Variants in ABCB7 observed in about 807,000 individuals in gnomAD.
ABCB7 encodes ATP binding cassette subfamily B member 7.
Under a neutral mutation model 54.4 loss-of-function variants are expected in ABCB7, and 7 were observed. The ratio of observed to expected loss-of-function variants is 0.13; its 90% CI spans 0.07 to 0.24. The LOEUF (loss-of-function observed/expected upper bound fraction) is 0.24. Ranked by LOEUF, ABCB7 falls within the 10% of genes least tolerant of loss-of-function variation. The pLI is 1.00. For missense variants in ABCB7, 356 were observed against 570.4 expected (o/e 0.62, Z 3.83); for synonymous variants, 218 against 207.1 (o/e 1.05, Z -0.45).
At chrX:75,152,784 T>TA (rs2082141993) in intron 1 of ABCB7, among the ~76,000 whole-genome samples, 4 of 107,812 alleles carry the variant, frequency 3.7e-5, no homozygotes, top group African/African-American at 1.4e-4. Flanking sequence ...CTCAGTCTCC[T>TA]GAGTAGCTGT....
chrX:75,090,788 C>G (rs1301758424), intron 4 of ABCB7, among the ~76,000 whole-genome samples: 1 of 110,954 alleles, frequency 9.0e-6, no homozygotes, highest in Non-Finnish European at 1.9e-5. Context: ...AAATGAAAGG[C>G]AGGCCTTCAG....
intron 3 of ABCB7, among the ~76,000 whole-genome samples, chrX:75,104,947 T>C (rs1219201615): frequency 8.9e-6 from 1 of 111,812 alleles, no homozygotes; most frequent in Non-Finnish European, 1.9e-5. Flanking sequence ...AAAAACCATA[T>C]GATCATCTCA....
intron 12 of ABCB7, among the ~76,000 whole-genome samples, chrX:75,065,600 C>A: frequency 8.9e-6 from 1 of 111,969 alleles, no homozygotes; most frequent in Middle Eastern, 4.6e-3. Context: ...TTCTTTTTAA[C>A]AGTTGTATAT....
chrX:75,064,087 G>A (rs932002399), intron 13 of ABCB7, among the ~76,000 whole-genome samples: 12 of 111,480 alleles, frequency 1.1e-4, no homozygotes, highest in Non-Finnish European at 3.8e-5. Context: ...AATGATACTG[G>A]CATCTTATAC....
Position 75,071,733 on chromosome X carries a change from CTCTTAAGTGATTAGTATACTTT to C in ABCB7, c.1033-72_1033-51del, listed in dbSNP as rs1271870328. 18 of 877,302 alleles carry C rather than the reference CTCTTAAGTGATTAGTATACTTT, an allele frequency of 2.1e-5. No homozygotes were observed. The Admixed American group carries it at 3.9e-4, about 19-fold the overall frequency. 72.3% of individuals were successfully genotyped at this position (877,302 alleles called of 1,213,427 possible). A position where few individuals can be genotyped will look rare whatever the true frequency, so the allele number is the denominator to read the frequency against. On this transcript the variant is annotated intron_variant, in intron 8 of 15. Transcript: ENST00000373394. ...TAGGCAAGTATAATTAGAATTTATT[CTCTTAAGTGATTAGTATACTTT>C]TCATCAGACTTCATGTATGAATACA...
chrX:75,073,147 T>A (rs2081378675), intron 8 of ABCB7, among the ~76,000 whole-genome samples: 1 of 111,269 alleles, frequency 9.0e-6, no homozygotes. Flanking sequence ...CTTACCTGAG[T>A]CTATTTTACA....
intron 1 of ABCB7, among the ~76,000 whole-genome samples, chrX:75,142,705 G>A (rs1039624720): frequency 2.7e-5 from 3 of 112,261 alleles, no homozygotes; most frequent in African/African-American, 9.7e-5. Context: ...GACTGAAGGT[G>A]GTTCCCCATC....
chrX:75,106,002 A>G (rs2081697358), intron 3 of ABCB7, among the ~76,000 whole-genome samples: 1 of 111,885 alleles, frequency 8.9e-6, no homozygotes, highest in East Asian at 2.8e-4. Flanking sequence ...ATCTAACTAT[A>G]AAAAGCCTAG....
At chrX:75,066,415 T>C (rs1199899707) in intron 12 of ABCB7, among the ~76,000 whole-genome samples, 1 of 111,774 alleles carries the variant, frequency 8.9e-6, no homozygotes, top group African/African-American at 3.2e-5. Flanking sequence ...AGAAACTGCT[T>C]ATTTTAAAAT....
chrX:75,115,755 G>A (rs982958774), intron 1 of ABCB7, among the ~76,000 whole-genome samples: 6 of 106,044 alleles, frequency 5.7e-5, no homozygotes, highest in Non-Finnish European at 7.7e-5. Context: ...TGGAAGTCTA[G>A]TTCAGGCCAT....
At chrX:75,138,999 T>C in intron 1 of ABCB7, among the ~76,000 whole-genome samples, 1 of 59,720 alleles carries the variant, frequency 1.7e-5, no homozygotes, top group Admixed American at 2.1e-4. Context: ...AGAACGAGAC[T>C]CTGCCTCAAA....
chrX:75,137,153 C>T (rs1414098464), intron 1 of ABCB7, among the ~76,000 whole-genome samples: 2 of 112,262 alleles, frequency 1.8e-5, no homozygotes, highest in Non-Finnish European at 3.8e-5. Context: ...GGTCTAATAT[C>T]CAGTATCTAT....
chrX:75,107,635 C>T (rs886438061), intron 3 of ABCB7, among the ~76,000 whole-genome samples: 1 of 111,841 alleles, frequency 8.9e-6, no homozygotes, highest in Non-Finnish European at 1.9e-5. Context: ...AGGGAAGGAC[C>T]CAGTCCTACC....
At chrX:75,127,794 T>A (rs1405204563) in intron 1 of ABCB7, among the ~76,000 whole-genome samples, 4 of 111,953 alleles carry the variant, frequency 3.6e-5, no homozygotes, top group Non-Finnish European at 7.5e-5. Context: ...AGCATTCTTA[T>A]ACACCAATAA....
At chrX:75,056,712 T>G (rs1475827741) in intron 15 of ABCB7, among the ~76,000 whole-genome samples, 1 of 111,538 alleles carries the variant, frequency 9.0e-6, no homozygotes, top group East Asian at 2.8e-4. Flanking sequence ...CTGATAATAC[T>G]ATTCCAATAT....
rs752441633 is a variant in ABCB7 at position 75,156,282 on chromosome X, G to A, written c.-10C>T. 51 of 1,198,351 alleles carry A rather than the reference G, an allele frequency of 4.3e-5. No individual in the cohort carries two copies. Among genetic ancestry groups the A allele is most frequent in the Non-Finnish European group, 3.4e-5 (30 of 889,609 alleles). ...TCGCGAGCAGCGCCATCTTGAGCGA[G>A]GAAAGAGGAACCGAGAGAAGAGGAT... is the stretch of plus-strand genomic sequence containing the variant. On this transcript the variant is annotated 5_prime_UTR_variant, in exon 1 of 16. Transcript: ENST00000373394.
intron 12 of ABCB7, among the ~76,000 whole-genome samples, chrX:75,065,987 C>T (rs2081315195): frequency 9.0e-6 from 1 of 111,364 alleles, no homozygotes. Context: ...TTAGCATTTC[C>T]CTAATTACTA....
intron 4 of ABCB7, among the ~76,000 whole-genome samples, chrX:75,092,101 A>G (rs1187019857): frequency 2.7e-5 from 3 of 110,899 alleles, no homozygotes; most frequent in Non-Finnish European, 5.7e-5. Context: ...AAGGCAAAAA[A>G]CTCAAAACAG....
At chrX:75,137,467 C>G (rs781313432) in intron 1 of ABCB7, among the ~76,000 whole-genome samples, 60 of 112,230 alleles carry the variant, frequency 5.3e-4, no homozygotes, top group Non-Finnish European at 2.6e-4. Flanking sequence ...GGAAAGCATT[C>G]TGGAGATTTC....
Sources: allele counts gnomAD v4.1 joint callset (sites outside exome capture counted in the v4.1 genomes callset), GRCh38; gene constraint gnomAD v4.1.1; transcripts MANE v1.5; gene names NCBI Gene and HGNC (gene_info 2026-07-23, HGNC 2026-07-21).